The following ACACA variants were observed in gnomAD, a reference collection of about 807,000 sequenced individuals.
The protein encoded by ACACA is acetyl-CoA carboxylase alpha.
Under a neutral mutation model 296.1 loss-of-function variants are expected in ACACA, and 103 were observed. The observed-to-expected ratio is 0.35, with a 90% CI of 0.30 to 0.41. The LOEUF is 0.41. ACACA is among the 10% of genes least tolerant of loss of function. ACACA has a pLI of 1.00. For synonymous variants in ACACA, 953 were observed against 1,038.6 expected (o/e 0.92, Z 1.58); for missense variants, 1,554 against 2,989.7 (o/e 0.52, Z 11.20).
intron 1 of ACACA, among the ~76,000 whole-genome samples, chr17:37,377,503 T>C (rs2050052329): frequency 6.6e-6 from 1 of 151,700 alleles, no homozygotes; most frequent in Admixed American, 6.6e-5. Flanking sequence ...CTACTAAAAA[T>C]ACAAAAATTA....
chr17:37,248,672 C>T lies in ACACA; in HGVS notation c.2084G>A (p.Gly695Asp). Residue 695 changes from glycine (G) to aspartate (D), a missense_variant and splice_region_variant, in exon 17 of 56, where the codon GGT (glycine) becomes GAT (aspartate). This residue lies in a region of ACACA where 316 missense variants were observed against 540.9 expected (regional missense o/e 0.58). Transcript: ENST00000616317. Reference sequence around the variant, plus strand: ...AAGTGTATGAGCAGGAAGGACTTGACCCCTGAAAGAACGATGAGAGAGGAA... The same window carrying T: ...AAGTGTATGAGCAGGAAGGACTTGATCCCTGAAAGAACGATGAGAGAGGAA... ...VSNFLHSLERGQVLPAHTLLN... is the reference protein window; with the variant it reads ...VSNFLHSLERDQVLPAHTLLN... The T allele has an allele frequency of 6.2e-7, 1 of 1,606,204 alleles. No individual in the cohort carries two copies. The highest frequency in any genetic ancestry group is 8.5e-7 in the Non-Finnish European group (1 of 1,173,848).
At chr17:37,188,602 A>G in intron 38 of ACACA, 122 bp from the exon 39 acceptor site, 1 of 1,005,638 alleles carries the variant, frequency 9.9e-7, no homozygotes, top group Non-Finnish European at 1.5e-6. Context: ...GTGGAGATGC[A>G]CACCTTACAA....
At chr17:37,365,648 C>A in intron 1 of ACACA, 1 of 985,386 alleles carries the variant, frequency 1.0e-6, no homozygotes, top group Middle Eastern at 5.2e-4. Context: ...TGTCTCTTTG[C>A]TCTTGTTAAT....
chr17:37,322,027 CT>C (rs2047382759), intron 3 of ACACA, among the ~76,000 whole-genome samples: 1 of 151,616 alleles, frequency 6.6e-6, no homozygotes, highest in Non-Finnish European at 1.5e-5. Flanking sequence ...ATGGGAGAAA[CT>C]TTACAAATTA....
chr17:37,272,406 A>G (rs1322210583), intron 9 of ACACA, among the ~76,000 whole-genome samples: 1 of 152,192 alleles, frequency 6.6e-6, no homozygotes, highest in Non-Finnish European at 1.5e-5. Context: ...ATCTATGTCA[A>G]TCGATTACTT....
At chr17:37,161,230 AT>A (rs956493704) in intron 42 of ACACA, among the ~76,000 whole-genome samples, 1 of 152,132 alleles carries the variant, frequency 6.6e-6, no homozygotes, top group Non-Finnish European at 1.5e-5. Flanking sequence ...CAAAGATGGG[AT>A]TTTTTCAGAG....
intron 1 of ACACA, 107 bp from the exon 2 acceptor site, chr17:37,339,957 T>A: frequency 1.6e-6 from 1 of 609,580 alleles, no homozygotes; most frequent in Non-Finnish European, 2.9e-6. Context: ...ATGAAGTATC[T>A]ATTTTACTGG....
intron 52 of ACACA, among the ~76,000 whole-genome samples, chr17:37,101,405 A>G (rs879800557): frequency 6.6e-6 from 1 of 152,222 alleles, no homozygotes; most frequent in Non-Finnish European, 1.5e-5. Context: ...TAAGTGCTTT[A>G]TATCTATTAA....
intron 42 of ACACA, among the ~76,000 whole-genome samples, chr17:37,159,637 A>G (rs1442886999): frequency 6.6e-6 from 1 of 152,204 alleles, no homozygotes; most frequent in Non-Finnish European, 1.5e-5. Context: ...CAATTCCCAT[A>G]CTTTAATAAA....
chr17:37,243,185 A>T (rs931368818), intron 22 of ACACA, among the ~76,000 whole-genome samples, 186 bp downstream of exon 22: 1 of 152,206 alleles, frequency 6.6e-6, no homozygotes, highest in East Asian at 1.9e-4. Context: ...ACAGATACTT[A>T]TCCTTCACAT....
intron 5 of ACACA, among the ~76,000 whole-genome samples, chr17:37,280,142 T>C (rs574458272): frequency 1.3e-5 from 2 of 152,242 alleles, no homozygotes; most frequent in Admixed American, 1.3e-4. Flanking sequence ...ATCAATGTCT[T>C]CAATTTTGTG....
intron 41 of ACACA, among the ~76,000 whole-genome samples, chr17:37,164,036 T>C (rs923406876): frequency 9.9e-5 from 15 of 152,018 alleles, no homozygotes; most frequent in Admixed American, 9.2e-4. Context: ...ATAAGTAATG[T>C]TTTCCATTCT....
chr17:37,403,460 C>T (rs747694356), intron 1 of ACACA, among the ~76,000 whole-genome samples: 5 of 151,496 alleles, frequency 3.3e-5, no homozygotes, highest in Admixed American at 6.6e-5. Context: ...CAGCCTCAAC[C>T]CTCTGGGCTG....
chr17:37,399,214 C>T (rs1443254105), intron 1 of ACACA, among the ~76,000 whole-genome samples: 1 of 152,036 alleles, frequency 6.6e-6, no homozygotes, highest in African/African-American at 2.4e-5. Context: ...CTCCTGATCT[C>T]AAGTGATCCA....
At chr17:37,105,162 T>C (rs2073604291) in intron 52 of ACACA, among the ~76,000 whole-genome samples, 1 of 152,156 alleles carries the variant, frequency 6.6e-6, no homozygotes, top group Non-Finnish European at 1.5e-5. Context: ...AGACTAAAAA[T>C]TCTCTGCTCA....
intron 52 of ACACA, among the ~76,000 whole-genome samples, chr17:37,099,145 A>C (rs2142759215): frequency 6.6e-6 from 1 of 152,358 alleles, no homozygotes; most frequent in East Asian, 1.9e-4. Context: ...ATATGCCATA[A>C]AAACAGCCTT....
chr17:37,389,733 T>C (rs2036352822), intron 1 of ACACA, among the ~76,000 whole-genome samples: 2 of 151,718 alleles, frequency 1.3e-5, no homozygotes, highest in South Asian at 4.2e-4. Flanking sequence ...GGGGTTAATA[T>C]ATAAGTGCTA....
chr17:37,237,846 G>A (rs917910706), intron 24 of ACACA, among the ~76,000 whole-genome samples: 1 of 151,990 alleles, frequency 6.6e-6, no homozygotes, highest in Non-Finnish European at 1.5e-5. Context: ...CTACAGCCTC[G>A]ACCTCCCCAG....
chr17:37,270,541 C>G (rs1236254494), intron 10 of ACACA, among the ~76,000 whole-genome samples: 2 of 152,138 alleles, frequency 1.3e-5, no homozygotes, highest in East Asian at 3.8e-4. Flanking sequence ...TTTGAATTAC[C>G]TAATTAAATA....
Sources: gnomAD v4.1 joint callset for allele counts (sites outside exome capture counted in the v4.1 genomes callset) on GRCh38, gnomAD v4.1.1 for gene constraint, gnomAD v4.1.1 regional missense constraint, MANE v1.5 for transcripts, NCBI Gene and HGNC (gene_info 2026-07-23, HGNC 2026-07-21) for gene names.